Variants in MN1 observed in about 807,000 individuals in gnomAD.
The protein encoded by MN1 is MN1 proto-oncogene, transcriptional regulator.
MN1 carries 19 observed loss-of-function variants against 86.9 expected under a neutral mutation model. The ratio of observed to expected loss-of-function variants is 0.22; its 90% CI spans 0.15 to 0.32. The LOEUF (loss-of-function observed/expected upper bound fraction) is 0.32, where lower values mean the gene tolerates loss of function less well. MN1 is among the 10% of genes least tolerant of loss of function. The pLI is 1.00. For synonymous variants in MN1, 928 were observed against 849.6 expected, an observed-to-expected ratio of 1.09 and a Z score of -1.60; for missense variants, 1,841 against 1,862.0, an observed-to-expected ratio of 0.99 and a Z score of 0.21.
chr22:27,764,755 G>A (rs148904654), intron 1 of MN1, among the ~76,000 whole-genome samples: 15 of 152,260 alleles, frequency 9.9e-5, no homozygotes, highest in East Asian at 7.7e-4. Flanking sequence ...CATAATTACC[G>A]CTAGTACCTA....
intron 1 of MN1, among the ~76,000 whole-genome samples, chr22:27,794,821 T>G (rs2880841): frequency 0.59 from 88,421 of 149,612 alleles, 26,577 homozygotes; most frequent in East Asian, 0.73. Flanking sequence ...GTTGTTGTTT[T>G]TTTTTTTTTT....
chr22:27,799,103 C>A lies in MN1; in HGVS notation c.1441G>T (p.Ala481Ser). 6.2e-7 allele frequency: 1 copy of A among 1,604,674 alleles called. No individual in the cohort carries two copies. Among genetic ancestry groups the A allele is most frequent in the Non-Finnish European group, 8.5e-7 (1 of 1,173,726 alleles). Reference protein sequence around the residue: ...ASWNGSMHNGALDNHLSPSAY... With the variant: ...ASWNGSMHNGSLDNHLSPSAY... ...GAAGGGGAGAGGTGATTATCCAGAGCGCCGTTGTGCATGCTGCCGTTCCAC... is the reference window on the plus strand; with the variant it reads ...GAAGGGGAGAGGTGATTATCCAGAGAGCCGTTGTGCATGCTGCCGTTCCAC... Residue 481 changes from alanine (A) to serine (S), a missense_variant, in exon 1 of 2, where the codon GCT (alanine) becomes TCT (serine). Coordinates refer to ENST00000302326, the MANE Select transcript of MN1 (RefSeq NM_002430.3).
intron 1 of MN1, among the ~76,000 whole-genome samples, chr22:27,780,433 G>A (rs563389798): frequency 4.6e-5 from 7 of 151,868 alleles, no homozygotes; most frequent in African/African-American, 1.2e-4. Flanking sequence ...CCAGGGTGCC[G>A]GAGCCCATTG....
Position 27,800,052 on chromosome 22 carries a change from G to A in MN1, c.492C>T (p.Ser164=). 1 of 1,601,522 alleles carries A rather than the reference G, an allele frequency of 6.2e-7. No individual in the cohort carries two copies. Among genetic ancestry groups the A allele is most frequent in the South Asian group, 1.1e-5 (1 of 90,804 alleles). The change falls in exon 1 of 2, where the codon AGC becomes AGT. Residue 164 remains serine, a synonymous_variant. Coordinates refer to ENST00000302326, the MANE Select transcript of MN1 (RefSeq NM_002430.3). ...EHMAESQGPE[S]FGPQRPGNLP... is the part of the protein sequence containing the mutation. ...GGTTCCCCGGTCGCTGCGGGCCGAA[G>A]CTCTCAGGCCCCTGGCTCTCCGCCA...
At chr22:27,776,161 T>A (rs544919881) in intron 1 of MN1, among the ~76,000 whole-genome samples, 10 of 152,282 alleles carry the variant, frequency 6.6e-5, no homozygotes, top group Non-Finnish European at 1.5e-4. Flanking sequence ...CTAAATTTTC[T>A]GATTAATTAA....
chr22:27,770,647 G>GTTATTTTATT (rs770647256), intron 1 of MN1, among the ~76,000 whole-genome samples: 1 of 152,106 alleles, frequency 6.6e-6, no homozygotes, highest in African/African-American at 2.4e-5. Context: ...TACAAACCTG[G>GTTATTTTATT]TTATTTTATT....
chr22:27,778,103 TA>T (rs1933003695), intron 1 of MN1, among the ~76,000 whole-genome samples: 2 of 152,158 alleles, frequency 1.3e-5, no homozygotes, highest in Admixed American at 1.3e-4. Flanking sequence ...CGCTCTTAAA[TA>T]TTATTAGCAT....
At chr22:27,791,427 G>C (rs1323480569) in intron 1 of MN1, among the ~76,000 whole-genome samples, 1 of 151,810 alleles carries the variant, frequency 6.6e-6, no homozygotes, top group Non-Finnish European at 1.5e-5. Flanking sequence ...CAAACACATC[G>C]TCGGCAAGTC....
intron 1 of MN1, among the ~76,000 whole-genome samples, chr22:27,771,534 T>C (rs1932916222): frequency 6.6e-6 from 1 of 152,126 alleles, no homozygotes; most frequent in Admixed American, 6.6e-5. Flanking sequence ...CCTTTTTTCA[T>C]TTTTTAATGG....
At chr22:27,790,034 C>T (rs890451730) in intron 1 of MN1, among the ~76,000 whole-genome samples, 4 of 152,184 alleles carry the variant, frequency 2.6e-5, no homozygotes, top group African/African-American at 9.7e-5. Context: ...GGGAGAAACC[C>T]GTGGCCATTT....
chr22:27,759,116 C>G (rs1932818565), intron 1 of MN1, among the ~76,000 whole-genome samples: 1 of 152,176 alleles, frequency 6.6e-6, no homozygotes, highest in African/African-American at 2.4e-5. Flanking sequence ...GCATGAGCCA[C>G]CGTGCTCAGT....
At chr22:27,770,907 A>C (rs1362392463) in intron 1 of MN1, among the ~76,000 whole-genome samples, 3 of 150,516 alleles carry the variant, frequency 2.0e-5, no homozygotes, top group African/African-American at 7.3e-5. Context: ...AATTCTTCCC[A>C]CCTCAGCCTC....
chr22:27,796,932 G>T lies in MN1; in HGVS notation c.3612C>A (p.Ser1204=), dbSNP rs61733428. 3.7e-6 allele frequency: 6 copies of T among 1,612,522 alleles called. No homozygotes were observed. Among genetic ancestry groups the T allele is most frequent in the Non-Finnish European group, 5.1e-6 (6 of 1,179,916 alleles). ...NGDSELGSCC[S]EAVKSAMSTI... ...TGCTCATGGCGCTCTTGACCGCCTC[G>T]GAGCAGCAGCTGCCCAGCTCGCTGT... The change falls in exon 1 of 2, where the codon TCC becomes TCA. Residue 1204 remains serine, a synonymous_variant. Coordinates refer to ENST00000302326, the MANE Select transcript of MN1 (RefSeq NM_002430.3).
At position 27,797,978 on chromosome 22, in the gene MN1, C is replaced by T. The variant is rs756231606; in HGVS notation, c.2566G>A (p.Gly856Ser). ...VTFNKKNPPE[G>S]KRKLSQNETD... The stretch of plus-strand genomic sequence containing the variant: ...TCGTTCTGGCTCAGTTTCCTCTTGC[C>T]CTCTGGCGGGTTCTTCTTGTTGAAG... Residue 856 changes from glycine (G) to serine (S), a missense_variant, in exon 1 of 2, where the codon GGC becomes AGC. Physicochemically the swap from Gly to Ser is moderately conservative, Grantham distance 56. Coordinates refer to ENST00000302326, the MANE Select transcript of MN1 (RefSeq NM_002430.3). The T allele has an allele frequency of 5.7e-6, 9 of 1,592,452 alleles. No homozygotes were observed. The highest frequency in any genetic ancestry group is 1.8e-5 in the Admixed American group (1 of 55,652).
At chr22:27,767,988 T>C (rs151059902) in intron 1 of MN1, among the ~76,000 whole-genome samples, 13 of 152,150 alleles carry the variant, frequency 8.5e-5, no homozygotes, top group Admixed American at 8.5e-4. Context: ...TGGGGTGACT[T>C]GCCCAACACC....
chr22:27,793,511 T>C (rs1194307719), intron 1 of MN1, among the ~76,000 whole-genome samples: 1 of 152,208 alleles, frequency 6.6e-6, no homozygotes, highest in Admixed American at 6.5e-5. Context: ...GTTTTTTTCC[T>C]TTCCACAATC....
At chr22:27,773,781 C>G (rs575492934) in intron 1 of MN1, among the ~76,000 whole-genome samples, 1 of 152,228 alleles carries the variant, frequency 6.6e-6, no homozygotes, top group East Asian at 1.9e-4. Flanking sequence ...CTCAGCCTCC[C>G]GAATACTGAG....
At position 27,800,679 on chromosome 22, in the gene MN1, T is replaced by TC. The variant is rs1933419697; in HGVS notation, c.-137dup. ...GCACCGCGGGGGCTCAGCGCGCACC[T>TC]CCACCCCGCCTGATGTGAGGGACGG... is the stretch of plus-strand genomic sequence containing the variant. On this transcript the variant is annotated 5_prime_UTR_variant, in exon 1 of 2. Coordinates refer to ENST00000302326, the MANE Select transcript of MN1 (RefSeq NM_002430.3). 1 of 1,232,732 alleles carries TC rather than the reference T, an allele frequency of 8.1e-7. No homozygotes were observed. The highest frequency in any genetic ancestry group is 1.5e-5 in the African/African-American group (1 of 66,898). 76.4% of individuals were successfully genotyped at this position (1,232,732 alleles called of 1,614,324 possible).
Position 27,797,857 on chromosome 22 carries a change from G to T in MN1, c.2687C>A (p.Thr896Asn), listed in dbSNP as rs1388123659. ...CGAGGCTTTGGAGCCGCTGCTACTG[G>T]TCCCGGACGGGCCTCCGGGTCCTGG... ...GAPGPGGPSG[T>N]SSSGSKASGP... Residue 896 changes from threonine to asparagine, a missense_variant, in exon 1 of 2, where the codon ACC becomes AAC. Physicochemically the swap from Thr to Asn is moderately conservative, Grantham distance 65. Transcript: ENST00000302326. 1 of 1,584,148 alleles carries T rather than the reference G, an allele frequency of 6.3e-7. No homozygotes were observed. Among genetic ancestry groups the T allele is most frequent in the Admixed American group, 1.8e-5 (1 of 56,282 alleles).
Sources: gnomAD v4.1 joint callset for allele counts (sites outside exome capture counted in the v4.1 genomes callset) on GRCh38, gnomAD v4.1.1 for gene constraint, MANE v1.5 for transcripts, NCBI Gene and HGNC (gene_info 2026-07-23, HGNC 2026-07-21) for gene names.